Variants in IL17RD observed in about 807,000 individuals in gnomAD.
IL17RD encodes interleukin 17 receptor D, also known as interleukin-17 receptor D.
Under a neutral mutation model 80.5 loss-of-function variants are expected in IL17RD, and 52 were observed. That is an observed-to-expected ratio of 0.65 (90% CI 0.52 to 0.81). The LOEUF is 0.81. Ranked by LOEUF, IL17RD falls within the 40% of genes least tolerant of loss-of-function variation. IL17RD has a pLI of 0.00. For synonymous variants in IL17RD, 416 were observed against 391.8 expected (o/e 1.06, Z -0.73); for missense variants, 1,024 against 955.1 (o/e 1.07, Z -0.95).
At chr3:57,127,239 T>TAAAAATATATATAA (rs1553625548) in intron 1 of IL17RD, among the ~76,000 whole-genome samples, 1 of 98,712 alleles carries the variant, frequency 1.0e-5, no homozygotes, top group African/African-American at 6.3e-5. Context: ...TAAAAATATA[T>TAAAAATATATATAA]AAATATATAT....
chr3:57,106,680 C>T (rs139777167), intron 5 of IL17RD, among the ~76,000 whole-genome samples: 381 of 152,294 alleles, frequency 2.5e-3, no homozygotes, highest in Non-Finnish European at 4.6e-3. Context: ...AGTGTCAGCA[C>T]TGAAAACCAG....
chr3:57,163,155 C>T (rs1031669489), intron 1 of IL17RD, among the ~76,000 whole-genome samples: 4 of 152,140 alleles, frequency 2.6e-5, no homozygotes, highest in Non-Finnish European at 5.9e-5. Flanking sequence ...GACAAGGAAC[C>T]ATGTATCAGC....
chr3:57,118,949 T>C (rs1286735513), intron 2 of IL17RD, among the ~76,000 whole-genome samples: 1 of 152,158 alleles, frequency 6.6e-6, no homozygotes, highest in Non-Finnish European at 1.5e-5. Context: ...CTCACACCTG[T>C]AATCCCAGCA....
intron 1 of IL17RD, among the ~76,000 whole-genome samples, chr3:57,136,276 T>G (rs1707723048): frequency 6.6e-6 from 1 of 152,190 alleles, no homozygotes; most frequent in Non-Finnish European, 1.5e-5. Context: ...AATTCCATTT[T>G]GTGATTAGAA....
chr3:57,117,852 C>T (rs1164482577), intron 2 of IL17RD, among the ~76,000 whole-genome samples: 1 of 152,170 alleles, frequency 6.6e-6, no homozygotes, highest in Non-Finnish European at 1.5e-5. Flanking sequence ...CAAAATGCAA[C>T]TGAACTTCAA....
At chr3:57,128,137 C>A (rs911589821) in intron 1 of IL17RD, among the ~76,000 whole-genome samples, 6 of 152,176 alleles carry the variant, frequency 3.9e-5, no homozygotes, top group African/African-American at 1.4e-4. Flanking sequence ...ATGAAGGATG[C>A]CAGCAGTCTG....
intron 1 of IL17RD, among the ~76,000 whole-genome samples, chr3:57,121,538 A>C (rs1181001583): frequency 6.6e-6 from 1 of 152,098 alleles, no homozygotes; most frequent in African/African-American, 2.4e-5. Context: ...TCCACATGAC[A>C]CACCAGCCCA....
At chr3:57,149,366 G>A (rs1475799861) in intron 1 of IL17RD, among the ~76,000 whole-genome samples, 1 of 151,296 alleles carries the variant, frequency 6.6e-6, no homozygotes, top group East Asian at 1.9e-4. Context: ...TCTCAGGTGA[G>A]TCTTCATCCC....
At chr3:57,168,697 GTTGTTGTTGTTT>G (rs1347435502), upstream of IL17RD, among the ~76,000 whole-genome samples, 7 of 152,040 alleles carry the variant, frequency 4.6e-5, no homozygotes, top group East Asian at 1.2e-3. Flanking sequence ...GTTTTTTTGT[GTTGTTGTTGTTT>G]TTGTTGTTGT....
At position 57,094,994 on chromosome 3, in the gene IL17RD, C is replaced by T. The variant is rs1277253442; in HGVS notation, c.*1399G>A. ...GCAGGGGTGCAAGCCCCCCTTTCCCCACCTGCCATGCATGTGCTTGGAAGG... is the reference window on the plus strand; with the variant it reads ...GCAGGGGTGCAAGCCCCCCTTTCCCTACCTGCCATGCATGTGCTTGGAAGG... On this transcript the variant is annotated 3_prime_UTR_variant, in exon 13 of 13. Coordinates refer to ENST00000296318, the MANE Select transcript of IL17RD (RefSeq NM_017563.5). 6.5e-6 allele frequency: 1 copy of T among 152,680 alleles called. No individual in the cohort carries two copies. Among genetic ancestry groups the T allele is most frequent in the Non-Finnish European group, 1.5e-5 (1 of 68,066 alleles). 9.5% of individuals were successfully genotyped at this position (152,680 alleles called of 1,614,324 possible). A position where few individuals can be genotyped will look rare whatever the true frequency, so the allele number is the denominator to read the frequency against.
intron 1 of IL17RD, among the ~76,000 whole-genome samples, chr3:57,163,735 A>C (rs1349384192): frequency 6.9e-6 from 1 of 145,666 alleles, no homozygotes; most frequent in Non-Finnish European, 1.5e-5. Context: ...ACACAGTAAG[A>C]AAATGTGATG....
intron 1 of IL17RD, among the ~76,000 whole-genome samples, chr3:57,120,952 C>A (rs758278456): frequency 6.6e-6 from 1 of 152,200 alleles, no homozygotes; most frequent in Non-Finnish European, 1.5e-5. Context: ...GCACTCAATA[C>A]CAGGGCTAAC....
At chr3:57,115,522 C>T (rs1336509959) in intron 2 of IL17RD, among the ~76,000 whole-genome samples, 2 of 152,182 alleles carry the variant, frequency 1.3e-5, no homozygotes, top group African/African-American at 4.8e-5. Context: ...CTCACTGCCA[C>T]CTGTCAATGT....
In IL17RD at chr3:57,098,058, T is replaced by A. The variant is rs762841723; in HGVS notation, c.1645A>T (p.Met549Leu). The A allele has an allele frequency of 1.9e-6, 3 of 1,614,006 alleles. No individual in the cohort carries two copies. In the South Asian group the frequency reaches 3.3e-5, roughly 18 times the overall value. ...GRSLYVAICNMHQFIDEEPDW... is the reference protein window; with the variant it reads ...GRSLYVAICNLHQFIDEEPDW... ...GGCTCCTCGTCAATAAACTGGTGCA[T>A]GTTGCAAATGGCGACGTATAGGGAC... is the stretch of plus-strand genomic sequence containing the variant. The change falls in exon 12 of 13, where the codon ATG (methionine) becomes TTG (leucine). Residue 549 changes from methionine to leucine, a missense_variant. Met to Leu is a conservative substitution (Grantham distance 15). Coordinates refer to ENST00000296318, the MANE Select transcript of IL17RD (RefSeq NM_017563.5).
At chr3:57,102,679 A>T (rs1277964026) in intron 9 of IL17RD, 90 bp from the exon 10 acceptor site, 3 of 579,332 alleles carry the variant, frequency 5.2e-6, no homozygotes, top group African/African-American at 3.7e-5. Context: ...CATAAGCCGC[A>T]TAACAGGTTC....
At chr3:57,107,953 T>C (rs902340216) in intron 5 of IL17RD, among the ~76,000 whole-genome samples, 10 of 152,152 alleles carry the variant, frequency 6.6e-5, no homozygotes, top group Admixed American at 5.9e-4. Flanking sequence ...ATAATTTTCT[T>C]AATCTAGTCC....
At chr3:57,157,136 C>T (rs2060273456) in intron 1 of IL17RD, among the ~76,000 whole-genome samples, 1 of 151,944 alleles carries the variant, frequency 6.6e-6, no homozygotes, top group African/African-American at 2.4e-5. Context: ...TGAGGCAGAG[C>T]AAAAAGCCAG....
At chr3:57,166,260 T>G (rs2060347744), upstream of IL17RD, among the ~76,000 whole-genome samples, 1 of 152,254 alleles carries the variant, frequency 6.6e-6, no homozygotes, top group East Asian at 1.9e-4. Flanking sequence ...TACCACCTCC[T>G]CTTCCTAAGG....
rs1411156370 is a variant in IL17RD at position 57,097,929 on chromosome 3, T to G, written c.1774A>C (p.Met592Leu). Residue 592 changes from methionine to leucine, a missense_variant, in exon 12 of 13, where the codon ATG becomes CTG. Coordinates refer to ENST00000296318, the MANE Select transcript of IL17RD (RefSeq NM_017563.5). Reference protein sequence around the residue: ...FDSGLVLNDVMCKPGPESDFC... With the variant: ...FDSGLVLNDVLCKPGPESDFC... The stretch of plus-strand genomic sequence containing the variant: ...TCACTCTCAGGCCCTGGTTTGCACA[T>G]GACATCATTTAAAACCAAGCCCGAA... 7 of 1,614,018 alleles carry G rather than the reference T, an allele frequency of 4.3e-6. No individual in the cohort carries two copies. The East Asian group carries it at 1.6e-4, about 36-fold the overall frequency.
Sources: allele counts gnomAD v4.1 joint callset (sites outside exome capture counted in the v4.1 genomes callset), GRCh38; gene constraint gnomAD v4.1.1; transcripts MANE v1.5; gene names NCBI Gene and HGNC (gene_info 2026-07-23, HGNC 2026-07-21).